MAPK8IP2: variants seen among roughly 807,000 people sequenced by gnomAD.
MAPK8IP2 encodes the protein C-Jun-amino-terminal kinase-interacting protein 2.
Under a neutral mutation model 75.6 loss-of-function variants are expected in MAPK8IP2, and 15 were observed. That is an observed-to-expected ratio of 0.20 (90% CI 0.13 to 0.31). The LOEUF (loss-of-function observed/expected upper bound fraction) is 0.31, where lower values mean the gene tolerates loss of function less well. Among genes scored for constraint, MAPK8IP2 ranks in the 10% least tolerant of loss-of-function variants. The probability of loss-of-function intolerance (pLI) is 1.00; values close to 1 mark genes in which losing one functional copy is unlikely to be tolerated. For synonymous variants in MAPK8IP2, 632 were observed against 554.5 expected (o/e 1.14, Z -1.96); for missense variants, 1,089 against 1,211.2 (o/e 0.90, Z 1.50).
rs1382538540 is a variant in MAPK8IP2 at position 50,610,264 on chromosome 22, G to A, written c.2356G>A (p.Val786Ile). The A allele has an allele frequency of 3.1e-6, 5 of 1,609,370 alleles. No individual in the cohort carries two copies. Among genetic ancestry groups the A allele is most frequent in the Non-Finnish European group, 4.2e-6 (5 of 1,177,926 alleles). ...CCTGCTGAGCCGCTTCGCCTGCCAC[G>A]TCTTTGTCTCCCAGGAGTCCATGAG... ...HPLLSRFACH[V>I]FVSQESMRPV... The change falls in exon 11 of 12, where the codon GTC becomes ATC. Residue 786 changes from valine (V) to isoleucine (I), a missense_variant. Physicochemically the swap from Val to Ile is conservative, Grantham distance 29 (BLOSUM62 3). Around this residue, in one of 2 missense-constraint regions of MAPK8IP2, gnomAD observed 129 missense variants for 201.7 expected, o/e 0.64. Transcript: ENST00000329492. This position sits in a 1 kb window ranked among gnomAD's most constrained non-coding sequence, Gnocchi z 4.3.
At chr22:50,606,036 G>C in intron 8 of MAPK8IP2, 102 bp downstream of exon 8, 2 of 985,972 alleles carry the variant, frequency 2.0e-6, no homozygotes, top group Non-Finnish European at 3.0e-6. Context: ...TCTGAGGTCT[G>C]ATTTCCTCCA....
chr22:50,606,738 G>A lies in MAPK8IP2; in HGVS notation c.2205G>A (p.Lys735=), dbSNP rs1456187691. The part of the protein sequence containing the change: ...CDLEISLRGV[K]LSLSGGGPEF... ...TCGAGATCTCTCTTCGGGGGGTCAA[G>A]CTGAGTCTGAGCGGAGGAGGGCCCG... The change falls in exon 9 of 12, where the codon AAG becomes AAA. Residue 735 remains lysine (K), a synonymous_variant. Coordinates refer to ENST00000329492, the MANE Select transcript of MAPK8IP2 (RefSeq NM_012324.6). 2 of 1,587,060 alleles carry A rather than the reference G, an allele frequency of 1.3e-6. No individual in the cohort carries two copies. Among genetic ancestry groups the A allele is most frequent in the Non-Finnish European group, 1.7e-6 (2 of 1,166,834 alleles).
In MAPK8IP2 at chr22:50,605,562, G is replaced by T; in HGVS notation, c.1842G>T (p.Arg614Ser). The change falls in exon 7 of 12, where the codon AGG becomes AGT. Residue 614 changes from arginine to serine, a missense_variant and splice_region_variant. Around this residue, in one of 2 missense-constraint regions of MAPK8IP2, gnomAD observed 960 missense variants for 1,009.6 expected, o/e 0.95. Transcript: ENST00000329492. Reference sequence around the variant, plus strand: ...CCAGTGACCTCTCCCCCAACGGCAGGTTCATCCCGCGGCATCCAGACGAGC... The same window carrying T: ...CCAGTGACCTCTCCCCCAACGGCAGTTTCATCCCGCGGCATCCAGACGAGC... ...EREQTHRAVF[R>S]FIPRHPDELE... The T allele has an allele frequency of 6.3e-7, 1 of 1,582,950 alleles. No individual in the cohort carries two copies. Among genetic ancestry groups the T allele is most frequent in the Non-Finnish European group, 8.6e-7 (1 of 1,163,220 alleles).
chr22:50,608,456 A>C (rs1405441605), intron 10 of MAPK8IP2, among the ~76,000 whole-genome samples: 28 of 116,000 alleles, frequency 2.4e-4, no homozygotes, highest in Middle Eastern at 5.2e-3. Flanking sequence ...CGCAGACCAG[A>C]CAGCAGGGAC....
Position 50,603,339 on chromosome 22 carries a change from AGAG to A in MAPK8IP2, c.308_310del (p.Glu103del), listed in dbSNP as rs572434194. The A allele has an allele frequency of 2.0e-3, 2,968 of 1,483,562 alleles. 2 individuals are homozygous for A. The highest frequency in any genetic ancestry group is 2.0e-3 in the Non-Finnish European group (2,227 of 1,102,220). 91.9% of individuals were successfully genotyped at this position (1,483,562 alleles called of 1,614,324 possible). On this transcript the variant is annotated inframe_deletion, in exon 3 of 12. Transcript: ENST00000329492. ...AAGAGGAGGACGATGAGGACGAGGA[AGAG>A]GAGGAGGAGGAGGAGGAGGGAGATG...
At position 50,604,688 on chromosome 22, in the gene MAPK8IP2, C is replaced by T; in HGVS notation, c.1389C>T (p.Cys463=). ...PGRAARPGRA[C]SAACSEEEDE... The stretch of plus-strand genomic sequence containing the variant: ...GCGCCGCCCGCCCGGGACGAGCCTG[C>T]TCCGCCGCCTGCTCCGAGGAGGAGG... Residue 463 remains cysteine (C), a synonymous_variant, in exon 5 of 12, where the codon TGC becomes TGT. Transcript: ENST00000329492. 1 of 1,525,472 alleles carries T rather than the reference C, an allele frequency of 6.6e-7. No homozygotes were observed. The highest frequency in any genetic ancestry group is 1.2e-5 in the South Asian group (1 of 81,526). 94.5% of individuals were successfully genotyped at this position (1,525,472 alleles called of 1,614,324 possible). A position where few individuals can be genotyped will look rare whatever the true frequency, so the allele number is the denominator to read the frequency against.
intron 1 of MAPK8IP2, chr22:50,601,553 T>C: frequency 2.5e-6 from 1 of 397,220 alleles, no homozygotes; most frequent in Non-Finnish European, 4.5e-6. Context: ...GGAGGCGGGG[T>C]GGGAGGGGTG....
chr22:50,612,234 G>T lies in MAPK8IP2; in HGVS notation c.*1455G>T, dbSNP rs565896281. ...AAATGGATATTTAAAAAATTCTCCA[G>T]AGAAAGCCAGAAGAAAATAGGTGAC... On this transcript the variant is annotated 3_prime_UTR_variant, in exon 12 of 12. Coordinates refer to ENST00000329492, the MANE Select transcript of MAPK8IP2 (RefSeq NM_012324.6). The T allele has an allele frequency of 6.6e-6, 1 of 152,256 alleles. No individual in the cohort carries two copies. The highest frequency in any genetic ancestry group is 1.9e-4 in the East Asian group (1 of 5,168). The allele number at this position is 152,256 out of a possible 1,614,324, so 9.4% of individuals were successfully genotyped here.
intron 8 of MAPK8IP2, 29 bp from the exon 9 acceptor site, chr22:50,606,629 A>T: frequency 6.6e-7 from 1 of 1,506,992 alleles, no homozygotes; most frequent in Non-Finnish European, 9.1e-7. Flanking sequence ...GCTCCTCAAG[A>T]CCCTCTTCTC....
rs939117079 is a variant in MAPK8IP2 at position 50,604,583 on chromosome 22, C to A, written c.1284C>A (p.Gly428=). ...CCGCGCCCGCCGCGCCTCGACCCGG[C>A]CCCGCGCAGCCCGGGCCCTGCCTAT... is the stretch of plus-strand genomic sequence containing the variant. The part of the protein sequence containing the change: ...PPPAPAAPRP[G]PAQPGPCLFL... The change falls in exon 5 of 12, where the codon GGC becomes GGA. Residue 428 remains glycine, a synonymous_variant. Coordinates refer to ENST00000329492, the MANE Select transcript of MAPK8IP2 (RefSeq NM_012324.6). 3.7e-6 allele frequency: 5 copies of A among 1,361,908 alleles called. No homozygotes were observed. The African/African-American group carries it at 7.8e-5, about 21-fold the overall frequency. 84.4% of individuals were successfully genotyped at this position (1,361,908 alleles called of 1,614,324 possible). A position where few individuals can be genotyped will look rare whatever the true frequency, so the allele number is the denominator to read the frequency against.
At position 50,603,904 on chromosome 22, in the gene MAPK8IP2, C is replaced by T; in HGVS notation, c.605C>T (p.Pro202Leu). 1.3e-6 allele frequency: 2 copies of T among 1,536,778 alleles called. No homozygotes were observed. The highest frequency in any genetic ancestry group is 1.7e-6 in the Non-Finnish European group (2 of 1,144,874). ...GPGGAQSPVR[P>L]GCDCEGNRPA... ...GGCGGGGCGCAGTCGCCAGTGCGCC[C>T]GGGTTGCGACTGCGAAGGGAACCGG... is the stretch of plus-strand genomic sequence containing the variant. Residue 202 changes from proline to leucine, a missense_variant, in exon 5 of 12, where the codon CCG becomes CTG. Physicochemically the swap from Pro to Leu is moderately conservative, Grantham distance 98. Coordinates refer to ENST00000329492, the MANE Select transcript of MAPK8IP2 (RefSeq NM_012324.6).
intron 6 of MAPK8IP2, 29 bp from the exon 7 acceptor site, chr22:50,605,533 C>T (rs1454362473): frequency 9.0e-7 from 1 of 1,116,154 alleles, no homozygotes; most frequent in Non-Finnish European, 1.3e-6. Flanking sequence ...TCCCGCCCCC[C>T]TCCCCAGTGA....
At position 50,604,779 on chromosome 22, in the gene MAPK8IP2, A is replaced by C; in HGVS notation, c.1480A>C (p.Thr494Pro). The C allele has an allele frequency of 6.5e-7, 1 of 1,545,818 alleles. No individual in the cohort carries two copies. Residue 494 changes from threonine to proline, a missense_variant, in exon 5 of 12, where the codon ACG becomes CCG. Thr to Pro is a conservative substitution (Grantham distance 38). This residue lies in a region of MAPK8IP2 where 960 missense variants were observed against 1,009.6 expected (regional missense o/e 0.95). Coordinates refer to ENST00000329492, the MANE Select transcript of MAPK8IP2 (RefSeq NM_012324.6). ...TGCGGGGTCCCCCGGGGGCAGGGGC[A>C]CGGGCCCCTCGGCGCCGCGGGACGC... ...DSAGSPGGRGTGPSAPRDASL... is the reference protein window; with the variant it reads ...DSAGSPGGRGPGPSAPRDASL...
At position 50,606,732 on chromosome 22, in the gene MAPK8IP2, G is replaced by C. The variant is rs2071057540; in HGVS notation, c.2199G>C (p.Gly733=). ...ASCDLEISLR[G]VKLSLSGGGP... Reference sequence around the variant, plus strand: ...GTGACCTCGAGATCTCTCTTCGGGGGGTCAAGCTGAGTCTGAGCGGAGGAG... The same window carrying C: ...GTGACCTCGAGATCTCTCTTCGGGGCGTCAAGCTGAGTCTGAGCGGAGGAG... Residue 733 remains glycine, a synonymous_variant, in exon 9 of 12, where the codon GGG becomes GGC. Coordinates refer to ENST00000329492, the MANE Select transcript of MAPK8IP2 (RefSeq NM_012324.6). The C allele has an allele frequency of 5.7e-6, 9 of 1,589,038 alleles. No individual in the cohort carries two copies. The highest frequency in any genetic ancestry group is 7.7e-6 in the Non-Finnish European group (9 of 1,167,956).
Position 50,604,003 on chromosome 22 carries a change from G to A in MAPK8IP2, c.704G>A (p.Arg235His), listed in dbSNP as rs2146681640. The change falls in exon 5 of 12, where the codon CGC becomes CAC. Residue 235 changes from arginine (R) to histidine (H), a missense_variant. Around this residue, in one of 2 missense-constraint regions of MAPK8IP2, gnomAD observed 960 missense variants for 1,009.6 expected, o/e 0.95. Transcript: ENST00000329492. ...GGCATCGAGGCTGACCTGAGAAGCC[G>A]CTCGAGCGGCGGCCGCGGGGGACGT... ...DPGIEADLRS[R>H]SSGGRGGRRS... The A allele has an allele frequency of 1.9e-6, 3 of 1,558,134 alleles. No homozygotes were observed. Among genetic ancestry groups the A allele is most frequent in the South Asian group, 1.2e-5 (1 of 85,556 alleles).
At chr22:50,608,669 C>T (rs1194718030) in intron 10 of MAPK8IP2, among the ~76,000 whole-genome samples, 3 of 131,016 alleles carry the variant, frequency 2.3e-5, no homozygotes, top group East Asian at 2.3e-4. Flanking sequence ...CGGGCAGGGG[C>T]GCAGACCAGA....
chr22:50,605,700 C>T lies in MAPK8IP2; in HGVS notation c.1980C>T (p.Ala660=), dbSNP rs2071038214. The part of the protein sequence containing the change: ...GERGVFPAFY[A]HAVPGPAKDL... ...GCGGTGTGTTTCCTGCCTTCTACGC[C>T]CATGCGGTGCCCGGCCCTGCCAAGG... Residue 660 remains alanine, a synonymous_variant, in exon 7 of 12, where the codon GCC becomes GCT. Coordinates refer to ENST00000329492, the MANE Select transcript of MAPK8IP2 (RefSeq NM_012324.6). The T allele has an allele frequency of 1.9e-6, 3 of 1,611,072 alleles. No homozygotes were observed. Among genetic ancestry groups the T allele is most frequent in the Non-Finnish European group, 2.5e-6 (3 of 1,178,912 alleles).
chr22:50,610,992 T>A lies in MAPK8IP2; in HGVS notation c.*213T>A. 1 of 546,672 alleles carries A rather than the reference T, an allele frequency of 1.8e-6. No individual in the cohort carries two copies. Among genetic ancestry groups the A allele is most frequent in the Non-Finnish European group, 3.3e-6 (1 of 305,268 alleles). 33.9% of individuals were successfully genotyped at this position (546,672 alleles called of 1,614,324 possible). A position where few individuals can be genotyped will look rare whatever the true frequency, so the allele number is the denominator to read the frequency against. ...AGTGGAGCCCCCGTGCCCCTGCTTTTCCTCAGATCCGTTCTTTCTCTGTGT... is the reference window on the plus strand; with the variant it reads ...AGTGGAGCCCCCGTGCCCCTGCTTTACCTCAGATCCGTTCTTTCTCTGTGT... On this transcript the variant is annotated 3_prime_UTR_variant, in exon 12 of 12. Transcript: ENST00000329492. The surrounding 1 kb of genome is among the most constrained non-coding windows in gnomAD (Gnocchi z 4.3).
intron 9 of MAPK8IP2, 43 bp downstream of exon 9, chr22:50,606,808 G>A (rs748053722): frequency 3.8e-6 from 6 of 1,590,198 alleles, no homozygotes; most frequent in Middle Eastern, 1.7e-4. Context: ...GGGGGATAGG[G>A]TTAGGCCACG....
Sources: allele counts gnomAD v4.1 joint callset (sites outside exome capture counted in the v4.1 genomes callset), GRCh38; gene constraint gnomAD v4.1.1; regional missense constraint gnomAD v4.1.1; non-coding constraint Gnocchi (gnomAD v3.1); transcripts MANE v1.5; gene names NCBI Gene and HGNC (gene_info 2026-07-23, HGNC 2026-07-21).